The following AJAP1 variants were observed in gnomAD, a reference collection of about 807,000 sequenced individuals.
AJAP1 encodes the protein adherens junctions associated protein 1.
Under a neutral mutation model 35.0 loss-of-function variants are expected in AJAP1, and 5 were observed. The observed-to-expected ratio is 0.14, with a 90% CI of 0.07 to 0.30. The LOEUF is 0.30. Among genes scored for constraint, AJAP1 ranks in the 10% least tolerant of loss-of-function variants. The probability of loss-of-function intolerance (pLI) is 1.00; values close to 1 mark genes in which losing one functional copy is unlikely to be tolerated. For synonymous variants in AJAP1, 284 were observed against 249.3 expected, an observed-to-expected ratio of 1.14 and a Z score of -1.31; for missense variants, 586 against 571.0, an observed-to-expected ratio of 1.03 and a Z score of -0.27.
At chr1:4,704,175 ACT>A (rs1640051274) in intron 1 of AJAP1, among the ~76,000 whole-genome samples, 1 of 136,350 alleles carries the variant, frequency 7.3e-6, no homozygotes, top group South Asian at 2.4e-4. Flanking sequence ...TTTTTTTTAT[ACT>A]TTAAGTTTTA....
intron 3 of AJAP1, among the ~76,000 whole-genome samples, chr1:4,770,665 C>A (rs442023): frequency 0.51 from 77,693 of 151,740 alleles, 20,088 homozygotes; most frequent in Admixed American, 0.55. Context: ...CCCAAATGGT[C>A]CCCTTGCTGC....
At chr1:4,665,998 G>T (rs116089463) in intron 1 of AJAP1, among the ~76,000 whole-genome samples, 1,848 of 152,212 alleles carry the variant, frequency 0.012, 38 homozygotes, top group African/African-American at 0.042. Flanking sequence ...AGGGAATGGG[G>T]TGGCTGCCGT....
At chr1:4,700,384 A>T (rs1639959817) in intron 1 of AJAP1, among the ~76,000 whole-genome samples, 1 of 152,040 alleles carries the variant, frequency 6.6e-6, no homozygotes, top group Non-Finnish European at 1.5e-5. Flanking sequence ...CCATGAGTGG[A>T]TCTGCCTGAG....
intron 2 of AJAP1, among the ~76,000 whole-genome samples, chr1:4,761,492 T>G (rs1220926976): frequency 1.3e-5 from 2 of 152,220 alleles, no homozygotes; most frequent in Admixed American, 6.5e-5. Flanking sequence ...CAGACAGATC[T>G]CCAAGTCTCC....
intron 2 of AJAP1, among the ~76,000 whole-genome samples, chr1:4,762,924 A>G (rs1221826349): frequency 1.3e-5 from 2 of 152,196 alleles, no homozygotes; most frequent in Admixed American, 6.5e-5. Flanking sequence ...ATGGACCTCT[A>G]CAGTGGCTCC....
At chr1:4,779,837 T>C (rs995431606) in intron 5 of AJAP1, among the ~76,000 whole-genome samples, 5 of 152,056 alleles carry the variant, frequency 3.3e-5, no homozygotes, top group African/African-American at 1.2e-4. Flanking sequence ...GTAGTAAATA[T>C]ATGTAACATA....
At chr1:4,775,188 T>C (rs1465966876) in intron 5 of AJAP1, among the ~76,000 whole-genome samples, 1 of 152,182 alleles carries the variant, frequency 6.6e-6, no homozygotes, top group Non-Finnish European at 1.5e-5. Flanking sequence ...GATATTAACT[T>C]TAATGCTAAC....
chr1:4,660,391 C>T (rs569358339), intron 1 of AJAP1, among the ~76,000 whole-genome samples: 58 of 152,052 alleles, frequency 3.8e-4, no homozygotes, highest in African/African-American at 1.4e-3. Flanking sequence ...GTGATGGAAA[C>T]GTTCTCTATC....
intron 3 of AJAP1, 49 bp from the exon 4 acceptor site, chr1:4,772,231 G>C: frequency 6.2e-7 from 1 of 1,606,036 alleles, no homozygotes; most frequent in Non-Finnish European, 8.5e-7. Flanking sequence ...TGTGTTTGTG[G>C]GTTTCCGGCC....
rs137969570 is a variant in AJAP1 at position 4,661,437 on chromosome 1, A to G, written c.29+5983A>G. On this transcript the variant is annotated intron_variant, in intron 1 of 5. Coordinates refer to ENST00000378191, the MANE Select transcript of AJAP1 (RefSeq NM_018836.4). ...AGGTATTATTGCTCCCATTTCACAC[A>G]GGAGAAAACTGGAGCACAGAGAGGT... 1.2e-4 allele frequency among the ~76,000 whole-genome samples: 18 copies of G among 152,352 alleles called. No individual in the cohort carries two copies. The East Asian group carries it at 3.5e-3, about 29-fold the overall frequency.
chr1:4,731,960 G>C (rs1162919051), intron 2 of AJAP1, among the ~76,000 whole-genome samples: 4 of 152,184 alleles, frequency 2.6e-5, no homozygotes, highest in African/African-American at 7.2e-5. Flanking sequence ...GGGTGGCCAG[G>C]AGGCCTCCCT....
At chr1:4,732,895 C>A (rs1252300252) in intron 2 of AJAP1, among the ~76,000 whole-genome samples, 1 of 152,188 alleles carries the variant, frequency 6.6e-6, no homozygotes, top group East Asian at 1.9e-4. Flanking sequence ...CTTGGGAGAT[C>A]CTTGGAGGAA....
intron 5 of AJAP1, among the ~76,000 whole-genome samples, chr1:4,780,290 C>T (rs943792027): frequency 9.9e-5 from 15 of 152,184 alleles, no homozygotes; most frequent in African/African-American, 3.6e-4. Flanking sequence ...CCACTCAACA[C>T]TCACTCCCCG....
At chr1:4,690,427 C>T (rs183315481) in intron 1 of AJAP1, among the ~76,000 whole-genome samples, 10 of 152,312 alleles carry the variant, frequency 6.6e-5, no homozygotes, top group African/African-American at 1.4e-4. Context: ...CCCACAGCTA[C>T]GCCCTCTCTT....
intron 2 of AJAP1, among the ~76,000 whole-genome samples, chr1:4,763,574 G>A (rs1276344796): frequency 6.6e-6 from 1 of 152,144 alleles, no homozygotes; most frequent in Non-Finnish European, 1.5e-5. Context: ...AGGTGTTTCT[G>A]GAAGAGATTG....
Position 4,692,569 on chromosome 1 carries a change from G to T in AJAP1, c.30-19331G>T, listed in dbSNP as rs1011216327. 6.6e-6 allele frequency among the ~76,000 whole-genome samples: 1 copy of T among 152,212 alleles called. No individual in the cohort carries two copies. Among genetic ancestry groups the T allele is most frequent in the Admixed American group, 6.5e-5 (1 of 15,280 alleles). On this transcript the variant is annotated intron_variant, in intron 1 of 5. Transcript: ENST00000378191. The surrounding 1 kb of genome is among the most constrained non-coding windows in gnomAD (Gnocchi z 4.4). ...CTCAGCCCCAGCCTGGCCTCCGCAGGCCTCCTGACCATGGCGGGGCCTTCC... is the reference window on the plus strand; with the variant it reads ...CTCAGCCCCAGCCTGGCCTCCGCAGTCCTCCTGACCATGGCGGGGCCTTCC...
rs1214692831 is a variant in AJAP1, at chr1:4,693,527, G to T, written c.30-18373G>T. On this transcript the variant is annotated intron_variant, in intron 1 of 5. Transcript: ENST00000378191. The surrounding 1 kb of genome is among the most constrained non-coding windows in gnomAD (Gnocchi z 4.4). ...TGGCCCTTCCTCCCCACGTGGGGCT[G>T]ACAGCCTGTGTTTTGGGCATCAGGG... Among the ~76,000 whole-genome samples, 2 of 152,214 alleles carry T rather than the reference G, an allele frequency of 1.3e-5. No individual in the cohort carries two copies. The highest frequency in any genetic ancestry group is 4.8e-5 in the African/African-American group (2 of 41,456).
At chr1:4,724,176 G>A (rs776929049) in intron 2 of AJAP1, among the ~76,000 whole-genome samples, 4 of 152,182 alleles carry the variant, frequency 2.6e-5, no homozygotes, top group Admixed American at 6.5e-5. Context: ...CACGTGTGGT[G>A]GCCGCGGGCA....
At chr1:4,676,216 G>A (rs1171752758) in intron 1 of AJAP1, among the ~76,000 whole-genome samples, 3 of 152,128 alleles carry the variant, frequency 2.0e-5, no homozygotes, top group African/African-American at 4.8e-5. Flanking sequence ...TCTTAGTCAC[G>A]CTCCTCCGAT....
Sources: allele counts gnomAD v4.1 joint callset (sites outside exome capture counted in the v4.1 genomes callset), GRCh38; gene constraint gnomAD v4.1.1; non-coding constraint Gnocchi (gnomAD v3.1); transcripts MANE v1.5; gene names NCBI Gene and HGNC (gene_info 2026-07-23, HGNC 2026-07-21).